The following CDH8 variants were observed in gnomAD, a reference collection of about 807,000 sequenced individuals.
The protein encoded by CDH8 is cadherin-8.
CDH8 carries 17 observed loss-of-function variants against 68.1 expected under a neutral mutation model. The ratio of observed to expected loss-of-function variants is 0.25; its 90% CI spans 0.17 to 0.37. The LOEUF (loss-of-function observed/expected upper bound fraction) is 0.37. Among genes scored for constraint, CDH8 ranks in the 10% least tolerant of loss-of-function variants. CDH8 has a pLI of 1.00. For missense variants in CDH8, 763 were observed against 999.3 expected (o/e 0.76, Z 3.19); for synonymous variants, 372 against 365.1 (o/e 1.02, Z -0.21).
intron 2 of CDH8, among the ~76,000 whole-genome samples, chr16:61,936,885 T>A (rs575914467): frequency 1.3e-5 from 2 of 152,324 alleles, no homozygotes; most frequent in South Asian, 4.1e-4. Flanking sequence ...AGCAATATTA[T>A]CTTTTATCAT....
intron 8 of CDH8, among the ~76,000 whole-genome samples, chr16:61,741,956 G>C (rs1596921579): frequency 6.6e-6 from 1 of 152,094 alleles, no homozygotes; most frequent in African/African-American, 2.4e-5. Flanking sequence ...GATAAATTTA[G>C]AGAATTGACA....
intron 7 of CDH8, among the ~76,000 whole-genome samples, chr16:61,800,093 A>G (rs1267593551): frequency 1.3e-5 from 2 of 152,116 alleles, no homozygotes; most frequent in African/African-American, 4.8e-5. Flanking sequence ...TATGTTTTAT[A>G]GATAGGAGGT....
rs1567498127 is a variant in CDH8 at position 61,847,541 on chromosome 16, TATATATATA to T, written c.667+9569_667+9577del. ...CTTCTGTAAGCTTCCAATCATTTTA[TATATATATA>T]TATATATATATATATATATGTAATT... is the stretch of plus-strand genomic sequence containing the variant. On this transcript the variant is annotated intron_variant, in intron 4 of 11. Coordinates refer to ENST00000577390, the MANE Select transcript of CDH8 (RefSeq NM_001796.5). Among the ~76,000 whole-genome samples the T allele has an allele frequency of 2.3e-4, 7 of 30,362 alleles. No homozygotes were observed. The African/African-American group carries it at 3.1e-3, about 14-fold the overall frequency. 19.9% of individuals were successfully genotyped at this position (30,362 alleles called of 152,430 possible). A position where few individuals can be genotyped will look rare whatever the true frequency, so the allele number is the denominator to read the frequency against.
chr16:61,832,371 G>GATAGATAC (rs1555513543), intron 4 of CDH8, among the ~76,000 whole-genome samples: 3 of 149,500 alleles, frequency 2.0e-5, no homozygotes, highest in Non-Finnish European at 4.5e-5. Context: ...TAGATAGATA[G>GATAGATAC]ATAGATAGAT....
intron 3 of CDH8, among the ~76,000 whole-genome samples, chr16:61,897,884 G>A (rs1963897097): frequency 1.3e-5 from 2 of 152,204 alleles, no homozygotes; most frequent in Admixed American, 6.5e-5. Flanking sequence ...AAAAGATGGA[G>A]GTGTTTTTGC....
intron 2 of CDH8, among the ~76,000 whole-genome samples, chr16:61,960,378 T>C (rs1456738915): frequency 1.4e-5 from 1 of 68,986 alleles, no homozygotes; most frequent in Non-Finnish European, 2.7e-5. Flanking sequence ...CATATATACA[T>C]GTGTGTGTGT....
At position 61,831,973 on chromosome 16, in the gene CDH8, G is replaced by T. The variant is rs940522056; in HGVS notation, c.668-6794C>A. Among the ~76,000 whole-genome samples the T allele has an allele frequency of 2.6e-5, 4 of 151,674 alleles. 1 individual carries two copies. The highest frequency in any genetic ancestry group is 2.0e-4 in the Admixed American group (3 of 15,178). ...TGAAAAGGGGTCTTTTACTTATGAG[G>T]TTAAGTGGTAAAAGGCTATAAGAGA... On this transcript the variant is annotated intron_variant, in intron 4 of 11. Coordinates refer to ENST00000577390, the MANE Select transcript of CDH8 (RefSeq NM_001796.5).
Position 61,901,287 on chromosome 16 carries a change from G to A in CDH8, c.439C>T (p.Leu147=). 6.2e-7 allele frequency: 1 copy of A among 1,614,042 alleles called. No homozygotes were observed. The highest frequency in any genetic ancestry group is 1.7e-5 in the Admixed American group (1 of 60,020). ...ATAATAAATTCAGAAGGAGGCTCCA[G>A]AGGTTTGCTTGTCTCCCAGTCCACT... ...QAVDWETSKP[L]EPPSEFIIKV... The change falls in exon 3 of 12, where the codon CTG becomes TTG. Residue 147 remains leucine (L), a synonymous_variant. Coordinates refer to ENST00000577390, the MANE Select transcript of CDH8 (RefSeq NM_001796.5).
chr16:61,789,534 A>G (rs755344384), intron 7 of CDH8, 52 bp from the exon 8 acceptor site: 22 of 1,519,804 alleles, frequency 1.4e-5, no homozygotes, highest in African/African-American at 7.0e-5. Context: ...TGATCCATAC[A>G]TTCCACAGCA....
At position 61,974,324 on chromosome 16, in the gene CDH8, C is replaced by T. The variant is rs1053453828; in HGVS notation, c.252+46828G>A. On this transcript the variant is annotated intron_variant, in intron 2 of 11. Coordinates refer to ENST00000577390, the MANE Select transcript of CDH8 (RefSeq NM_001796.5). The stretch of plus-strand genomic sequence containing the variant: ...CCTGAACTATGCTGGTCTTACCATG[C>T]AAATGGGAATGGGTACCAACCTGTG... Among the ~76,000 whole-genome samples the T allele has an allele frequency of 2.0e-5, 3 of 152,154 alleles. No individual in the cohort carries two copies. In the East Asian group the frequency reaches 5.8e-4, roughly 29 times the overall value.
intron 9 of CDH8, among the ~76,000 whole-genome samples, chr16:61,724,400 C>T (rs1389617938): frequency 6.6e-6 from 1 of 150,658 alleles, no homozygotes; most frequent in African/African-American, 2.4e-5. Context: ...ATTGTCTATG[C>T]TCATGTTGAT....
chr16:61,812,734 A>G (rs915648162), intron 7 of CDH8, among the ~76,000 whole-genome samples: 2 of 152,350 alleles, frequency 1.3e-5, no homozygotes, highest in South Asian at 2.1e-4. Context: ...TATGGGCTCA[A>G]TAAACACGAC....
intron 3 of CDH8, among the ~76,000 whole-genome samples, chr16:61,873,853 C>T (rs777065397): frequency 2.0e-5 from 3 of 152,054 alleles, no homozygotes; most frequent in Non-Finnish European, 4.4e-5. Context: ...GTCAGGAGTT[C>T]GAGACCAGCC....
chr16:61,707,104 G>C (rs1213183711), intron 10 of CDH8, among the ~76,000 whole-genome samples: 1 of 152,074 alleles, frequency 6.6e-6, no homozygotes, highest in African/African-American at 2.4e-5. Context: ...CATCGAGTAA[G>C]GGAAAATGGA....
At chr16:61,728,614 A>G (rs1412244261) in intron 8 of CDH8, among the ~76,000 whole-genome samples, 1 of 151,170 alleles carries the variant, frequency 6.6e-6, no homozygotes, top group Non-Finnish European at 1.5e-5. Context: ...CATTTAACTT[A>G]TGACTCTAAC....
At chr16:62,032,158 C>T (rs1282753587) in intron 1 of CDH8, 1 of 152,084 alleles carries the variant, frequency 6.6e-6, no homozygotes, top group Non-Finnish European at 1.5e-5. Flanking sequence ...CCCAGCGCCA[C>T]AGATAACATT....
rs531913385 is a variant in CDH8 at position 61,673,081 on chromosome 16, T to C, written c.1655-17360A>G. ...TAATGATTCCTAGAAGACAAGACTG[T>C]TAGTTGAATGTTTACATCTTCCTAT... is the stretch of plus-strand genomic sequence containing the variant. On this transcript the variant is annotated intron_variant, in intron 10 of 11. Coordinates refer to ENST00000577390, the MANE Select transcript of CDH8 (RefSeq NM_001796.5). Among the ~76,000 whole-genome samples the C allele has an allele frequency of 2.6e-5, 4 of 152,242 alleles. No individual in the cohort carries two copies. The East Asian group carries it at 7.7e-4, about 29-fold the overall frequency.
chr16:61,933,700 T>C (rs917314917), intron 2 of CDH8, among the ~76,000 whole-genome samples: 1 of 152,046 alleles, frequency 6.6e-6, no homozygotes, highest in African/African-American at 2.4e-5. Flanking sequence ...GTTTTTTTCT[T>C]TTAGTGCTGG....
intron 3 of CDH8, among the ~76,000 whole-genome samples, chr16:61,897,612 G>T (rs1382353352): frequency 6.6e-6 from 1 of 152,128 alleles, no homozygotes; most frequent in Admixed American, 6.5e-5. Flanking sequence ...ATAGATATAG[G>T]CTTGGCATGA....
Sources: gnomAD v4.1 joint callset for allele counts (sites outside exome capture counted in the v4.1 genomes callset) on GRCh38, gnomAD v4.1.1 for gene constraint, MANE v1.5 for transcripts, NCBI Gene and HGNC (gene_info 2026-07-23, HGNC 2026-07-21) for gene names.